The following TCERG1L variants were observed in gnomAD, a reference collection of about 807,000 sequenced individuals.
TCERG1L encodes the protein transcription elongation regulator 1 like.
A neutral mutation model predicts 56.3 loss-of-function variants in TCERG1L; 37 were observed. That is an observed-to-expected ratio of 0.66 (90% CI 0.51 to 0.87). The LOEUF (loss-of-function observed/expected upper bound fraction) is 0.87, where lower values mean the gene tolerates loss of function less well. TCERG1L is among the 40% of genes least tolerant of loss of function. The pLI, the probability that TCERG1L is intolerant of heterozygous loss-of-function variation, is 0.00. For missense variants in TCERG1L, 799 were observed against 774.2 expected (o/e 1.03, Z -0.38); for synonymous variants, 324 against 326.3 (o/e 0.99, Z 0.08).
intron 3 of TCERG1L, among the ~76,000 whole-genome samples, chr10:131,288,678 A>T (rs1414743241): frequency 6.6e-6 from 1 of 152,160 alleles, no homozygotes; most frequent in Non-Finnish European, 1.5e-5. Flanking sequence ...ATCATGCTGG[A>T]TGAGAGAGGG....
At chr10:131,172,521 G>A (rs941806152) in intron 4 of TCERG1L, among the ~76,000 whole-genome samples, 1 of 152,280 alleles carries the variant, frequency 6.6e-6, no homozygotes, top group African/African-American at 2.4e-5. Flanking sequence ...GGGAGGGCTT[G>A]GAGTTCTCGA....
intron 3 of TCERG1L, among the ~76,000 whole-genome samples, chr10:131,263,730 T>C (rs1778099614): frequency 6.6e-6 from 1 of 152,234 alleles, no homozygotes; most frequent in Non-Finnish European, 1.5e-5. Context: ...AGTGTAAGCA[T>C]GTGTCAGTGT....
chr10:131,234,683 G>T (rs1227539221), intron 4 of TCERG1L, among the ~76,000 whole-genome samples: 1 of 134,616 alleles, frequency 7.4e-6, no homozygotes, highest in African/African-American at 2.5e-5. Flanking sequence ...TAATTTTGTT[G>T]TCGTTGTTTG....
chr10:131,204,229 G>C lies in TCERG1L; in HGVS notation c.857-37344C>G, dbSNP rs192705807. ...CAGGCACCAGATCTGCTGATGCCTT[G>C]GTCCTGGACTTTCCATTCTCCAGAC... On this transcript the variant is annotated intron_variant, in intron 4 of 11. Transcript: ENST00000368642. 2.4e-3 allele frequency among the ~76,000 whole-genome samples: 363 copies of C among 152,330 alleles called. 1 individual carries two copies. Among genetic ancestry groups the C allele is most frequent in the Non-Finnish European group, 4.1e-3 (280 of 68,030 alleles).
At position 131,146,566 on chromosome 10, in the gene TCERG1L, C is replaced by G; in HGVS notation, c.1129G>C (p.Gly377Arg). 2 of 1,613,930 alleles carry G rather than the reference C, an allele frequency of 1.2e-6. No homozygotes were observed. Among genetic ancestry groups the G allele is most frequent in the Non-Finnish European group, 1.7e-6 (2 of 1,179,836 alleles). Residue 377 changes from glycine to arginine, a missense_variant, in exon 7 of 12, where the codon GGA becomes CGA. Coordinates refer to ENST00000368642, the MANE Select transcript of TCERG1L (RefSeq NM_174937.4). ...TCCTCAATGATCCTGTTGAGGTCTC[C>G]GCGGTCCTTCAGGTCCATGGGCTTC... ...WEKPMDLKDR[G>R]DLNRIIEDPP...
chr10:131,175,846 C>T (rs549750842), intron 4 of TCERG1L, among the ~76,000 whole-genome samples: 6 of 152,152 alleles, frequency 3.9e-5, no homozygotes, highest in African/African-American at 1.4e-4. Flanking sequence ...GAGACAGAAA[C>T]GAAGACAGGG....
At chr10:131,303,809 G>A (rs1237840772) in intron 3 of TCERG1L, among the ~76,000 whole-genome samples, 2 of 152,010 alleles carry the variant, frequency 1.3e-5, no homozygotes, top group Non-Finnish European at 2.9e-5. Flanking sequence ...TCCTCAAACT[G>A]TCTTTTCACA....
chr10:131,152,736 T>A (rs1213309772), intron 6 of TCERG1L, among the ~76,000 whole-genome samples: 3 of 152,198 alleles, frequency 2.0e-5, no homozygotes, highest in African/African-American at 7.2e-5. Context: ...TACCTCAGAC[T>A]GGGTAATTTA....
chr10:131,207,796 C>A (rs73396442), intron 4 of TCERG1L, among the ~76,000 whole-genome samples: 2 of 152,128 alleles, frequency 1.3e-5, no homozygotes, highest in Non-Finnish European at 2.9e-5. Context: ...TCCCATCAGC[C>A]TTGAAATACC....
intron 4 of TCERG1L, among the ~76,000 whole-genome samples, chr10:131,231,720 G>T (rs543165923): frequency 1.3e-5 from 2 of 152,182 alleles, no homozygotes; most frequent in Non-Finnish European, 2.9e-5. Context: ...GCCGGCACGT[G>T]GGGGGAAGTC....
In TCERG1L at chr10:131,311,120, G is replaced by C. The variant is rs1028377483; in HGVS notation, c.342+174C>G. The stretch of plus-strand genomic sequence containing the variant: ...CGGAGGTGGACGACCGGGCGTCCAA[G>C]CACGAACTTTCTCGCCGAGGCACGG... On this transcript the variant is annotated intron_variant, in intron 1 of 11. Coordinates refer to ENST00000368642, the MANE Select transcript of TCERG1L (RefSeq NM_174937.4). The surrounding 1 kb of genome is among the most constrained non-coding windows in gnomAD (Gnocchi z 4.0). Among the ~76,000 whole-genome samples, 1 of 152,172 alleles carries C rather than the reference G, an allele frequency of 6.6e-6. No homozygotes were observed. Among genetic ancestry groups the C allele is most frequent in the Non-Finnish European group, 1.5e-5 (1 of 68,022 alleles).
chr10:131,309,214 G>A lies in TCERG1L; in HGVS notation c.428C>T (p.Pro143Leu). Residue 143 changes from proline (P) to leucine (L), a missense_variant, in exon 2 of 12, where the codon CCT becomes CTT. By Grantham distance (98) the Pro-to-Leu change is moderately conservative. Coordinates refer to ENST00000368642, the MANE Select transcript of TCERG1L (RefSeq NM_174937.4). ...CCCAATAGGGGTTGCAAGAGCAGAA[G>A]GGCAGAGATGTGGGAAGACGGGCAC... ...ELVPVFPHLC[P>L]SALATPIGKS... The A allele has an allele frequency of 6.2e-7, 1 of 1,610,284 alleles. No homozygotes were observed. The highest frequency in any genetic ancestry group is 1.1e-5 in the South Asian group (1 of 90,534).
chr10:131,236,543 G>A (rs1031360094), intron 4 of TCERG1L, among the ~76,000 whole-genome samples: 3 of 152,154 alleles, frequency 2.0e-5, no homozygotes, highest in Non-Finnish European at 4.4e-5. Context: ...ATTCACCAAC[G>A]TCACTGAATC....
intron 3 of TCERG1L, among the ~76,000 whole-genome samples, chr10:131,261,555 G>A (rs1211294279): frequency 6.6e-6 from 1 of 152,206 alleles, no homozygotes; most frequent in Non-Finnish European, 1.5e-5. Flanking sequence ...CCAGAGCGAG[G>A]TCTCATGATA....
intron 4 of TCERG1L, among the ~76,000 whole-genome samples, chr10:131,203,559 C>G (rs1304424248): frequency 6.6e-6 from 1 of 152,208 alleles, no homozygotes; most frequent in Non-Finnish European, 1.5e-5. Context: ...TCATGTCAAC[C>G]GTTCACATTC....
At chr10:131,182,415 A>C (rs968336173) in intron 4 of TCERG1L, among the ~76,000 whole-genome samples, 9 of 152,250 alleles carry the variant, frequency 5.9e-5, no homozygotes, top group African/African-American at 1.9e-4. Flanking sequence ...CTAATTTAAA[A>C]GAAATAAACA....
chr10:131,280,618 G>C (rs1846441001), intron 3 of TCERG1L, among the ~76,000 whole-genome samples: 1 of 152,138 alleles, frequency 6.6e-6, no homozygotes, highest in Non-Finnish European at 1.5e-5. Context: ...TTTCCCTTTA[G>C]CTTGGTAATT....
chr10:131,228,142 C>T (rs559790832), intron 4 of TCERG1L, among the ~76,000 whole-genome samples: 15 of 151,880 alleles, frequency 9.9e-5, no homozygotes, highest in Non-Finnish European at 1.9e-4. Context: ...ACAGGCATTT[C>T]CTCAAGGCCT....
intron 4 of TCERG1L, among the ~76,000 whole-genome samples, chr10:131,249,457 G>A (rs1165537719): frequency 6.6e-6 from 1 of 152,118 alleles, no homozygotes; most frequent in Non-Finnish European, 1.5e-5. Flanking sequence ...CCTGACAGTG[G>A]CTCCACCCGG....
Sources: gnomAD v4.1 joint callset for allele counts (sites outside exome capture counted in the v4.1 genomes callset) on GRCh38, gnomAD v4.1.1 for gene constraint, Gnocchi (gnomAD v3.1) non-coding constraint, MANE v1.5 for transcripts, NCBI Gene and HGNC (gene_info 2026-07-23, HGNC 2026-07-21) for gene names.